The following FBXL17 variants were observed in gnomAD, a reference collection of about 807,000 sequenced individuals.
The protein encoded by FBXL17 is F-box/LRR-repeat protein 17.
In FBXL17, 22 loss-of-function variants were observed where a neutral mutation model predicts 66.2. The observed-to-expected ratio is 0.33, with a 90% CI of 0.24 to 0.47. FBXL17 has a LOEUF of 0.47. FBXL17 is among the 20% of genes least tolerant of loss of function. The probability of loss-of-function intolerance (pLI) is 1.00; values close to 1 mark genes in which losing one functional copy is unlikely to be tolerated. For missense variants in FBXL17, 878 were observed against 948.2 expected, an observed-to-expected ratio of 0.93 and a Z score of 0.97; for synonymous variants, 474 against 400.5, an observed-to-expected ratio of 1.18 and a Z score of -2.19.
intron 6 of FBXL17, among the ~76,000 whole-genome samples, chr5:108,046,302 T>C (rs1261534025): frequency 6.6e-6 from 1 of 152,182 alleles, no homozygotes; most frequent in East Asian, 1.9e-4. Flanking sequence ...TATCTTTTCC[T>C]ATCCTTTAAC....
chr5:107,962,570 C>T lies in FBXL17; in HGVS notation c.1822+58355G>A, dbSNP rs540847003. On this transcript the variant is annotated intron_variant, in intron 7 of 8. Coordinates refer to ENST00000542267, the MANE Select transcript of FBXL17 (RefSeq NM_001163315.3). ...GATATTATTGCTACTATCCTGCATG[C>T]CAAGGGAAATTTTTAAATTGATATT... is the stretch of plus-strand genomic sequence containing the variant. Among the ~76,000 whole-genome samples, 42 of 151,956 alleles carry T rather than the reference C, an allele frequency of 2.8e-4. 1 individual carries two copies. The highest frequency in any genetic ancestry group is 1.0e-3 in the Admixed American group (16 of 15,246).
At chr5:108,232,885 C>T (rs1028937833) in intron 4 of FBXL17, among the ~76,000 whole-genome samples, 1 of 148,082 alleles carries the variant, frequency 6.8e-6, no homozygotes, top group Non-Finnish European at 1.5e-5. Context: ...AGTAGAATTC[C>T]ACTGTATGGA....
At chr5:108,258,113 C>T (rs1355620804) in intron 4 of FBXL17, among the ~76,000 whole-genome samples, 3 of 152,148 alleles carry the variant, frequency 2.0e-5, no homozygotes, top group Non-Finnish European at 4.4e-5. Flanking sequence ...TAACTCCAGA[C>T]TGTATCTGGA....
At chr5:108,182,028 G>A (rs1361340069) in intron 6 of FBXL17, among the ~76,000 whole-genome samples, 1 of 152,132 alleles carries the variant, frequency 6.6e-6, no homozygotes, top group Non-Finnish European at 1.5e-5. Flanking sequence ...CACGTGTAAA[G>A]TGCCTATCAA....
At chr5:108,291,026 T>G (rs970084252) in intron 4 of FBXL17, among the ~76,000 whole-genome samples, 3 of 152,092 alleles carry the variant, frequency 2.0e-5, no homozygotes, top group Admixed American at 6.5e-5. Flanking sequence ...CTAAAATAAT[T>G]AAAGAACAGA....
At chr5:108,362,501 G>A (rs887684807) in intron 3 of FBXL17, among the ~76,000 whole-genome samples, 1 of 152,022 alleles carries the variant, frequency 6.6e-6, no homozygotes. Flanking sequence ...ATACATGATT[G>A]TAGTTTTAAA....
chr5:108,231,930 G>A (rs761353106), intron 4 of FBXL17, among the ~76,000 whole-genome samples: 2 of 152,056 alleles, frequency 1.3e-5, no homozygotes, highest in Non-Finnish European at 2.9e-5. Flanking sequence ...GACTACAAAC[G>A]GTCCAGACTC....
At chr5:108,221,681 A>T (rs142571037) in intron 5 of FBXL17, among the ~76,000 whole-genome samples, 1 of 152,308 alleles carries the variant, frequency 6.6e-6, no homozygotes, top group Non-Finnish European at 1.5e-5. Context: ...AGGAAAACAC[A>T]ACTTTTTAAG....
chr5:107,931,286 T>A (rs960316163), intron 7 of FBXL17, among the ~76,000 whole-genome samples: 2 of 137,842 alleles, frequency 1.5e-5, no homozygotes, highest in African/African-American at 5.6e-5. Flanking sequence ...TGAGACAGGG[T>A]CTCACTGTCA....
intron 7 of FBXL17, among the ~76,000 whole-genome samples, chr5:107,930,147 T>C (rs541838507): frequency 5.9e-5 from 9 of 152,284 alleles, no homozygotes; most frequent in Non-Finnish European, 5.9e-5. Context: ...TACAACACCC[T>C]TCAACGGCTT....
Position 108,266,678 on chromosome 5 carries a change from C to T in FBXL17, c.1507-42450G>A, listed in dbSNP as rs1272779356. 2.6e-5 allele frequency among the ~76,000 whole-genome samples: 4 copies of T among 152,022 alleles called. No individual in the cohort carries two copies. The South Asian group carries it at 8.3e-4, about 32-fold the overall frequency. ...AATGGTATACTGAGGTTGCTAAAAT[C>T]AATGGTAAGAACGAATCTTCTATCT... On this transcript the variant is annotated intron_variant, in intron 4 of 8. Transcript: ENST00000542267.
chr5:108,216,257 T>C (rs1349778274), intron 5 of FBXL17, among the ~76,000 whole-genome samples: 1 of 152,200 alleles, frequency 6.6e-6, no homozygotes, highest in East Asian at 1.9e-4. Context: ...GAGATTCCAT[T>C]GACTCTATAA....
intron 5 of FBXL17, among the ~76,000 whole-genome samples, chr5:108,209,139 T>C (rs1008337242): frequency 1.3e-5 from 2 of 152,220 alleles, no homozygotes; most frequent in African/African-American, 4.8e-5. Flanking sequence ...TAGGAATGCT[T>C]GTGATTTTTG....
At chr5:108,297,319 T>A (rs1023073767) in intron 4 of FBXL17, among the ~76,000 whole-genome samples, 1 of 151,750 alleles carries the variant, frequency 6.6e-6, no homozygotes, top group African/African-American at 2.4e-5. Flanking sequence ...TCTTTAGACA[T>A]AAGACCTTAT....
intron 4 of FBXL17, among the ~76,000 whole-genome samples, chr5:108,275,422 T>C (rs570690734): frequency 9.6e-4 from 146 of 152,352 alleles, no homozygotes; most frequent in African/African-American, 3.5e-3. Flanking sequence ...GCCTGGTCTA[T>C]GCTAAGCATG....
chr5:108,081,887 G>A (rs189096476), intron 6 of FBXL17, among the ~76,000 whole-genome samples: 4 of 152,208 alleles, frequency 2.6e-5, no homozygotes, highest in Non-Finnish European at 5.9e-5. Context: ...CTCTCTCCGA[G>A]TAAATTTCTA....
chr5:108,201,629 C>A (rs1753898435), intron 5 of FBXL17, among the ~76,000 whole-genome samples: 1 of 151,652 alleles, frequency 6.6e-6, no homozygotes, highest in Non-Finnish European at 1.5e-5. Context: ...TTATTTTTTT[C>A]TCAGTAGTAT....
chr5:108,379,800 A>G (rs188707687), intron 1 of FBXL17, among the ~76,000 whole-genome samples: 6 of 152,358 alleles, frequency 3.9e-5, no homozygotes, highest in Admixed American at 3.3e-4. Flanking sequence ...TGTCACTAGC[A>G]TTGACAAAAC....
chr5:108,046,876 C>T (rs147171787), intron 6 of FBXL17, among the ~76,000 whole-genome samples: 25 of 152,272 alleles, frequency 1.6e-4, no homozygotes, highest in Admixed American at 1.5e-3. Context: ...GTTTGCTTAC[C>T]ATGTTCTTTT....
Sources: allele counts gnomAD v4.1 joint callset (sites outside exome capture counted in the v4.1 genomes callset), GRCh38; gene constraint gnomAD v4.1.1; transcripts MANE v1.5; gene names NCBI Gene and HGNC (gene_info 2026-07-23, HGNC 2026-07-21).